Variants in FMNL2 observed in about 807,000 individuals in gnomAD.
The protein encoded by FMNL2 is formin-like protein 2.
FMNL2 carries 51 observed loss-of-function variants against 130.2 expected under a neutral mutation model. The observed-to-expected ratio is 0.39, with a 90% CI of 0.31 to 0.49. The LOEUF is 0.49. Among genes scored for constraint, FMNL2 ranks in the 20% least tolerant of loss-of-function variants. The pLI is 0.85. For synonymous variants in FMNL2, 465 were observed against 467.1 expected (o/e 1.00, Z 0.06); for missense variants, 977 against 1,316.2 (o/e 0.74, Z 3.99).
chr2:152,562,365 CATT>C (rs926716971), intron 6 of FMNL2, among the ~76,000 whole-genome samples: 6 of 152,210 alleles, frequency 3.9e-5, no homozygotes, highest in Admixed American at 3.3e-4. Flanking sequence ...GGTATTCAGT[CATT>C]GTTGTAGAAT....
intron 1 of FMNL2, among the ~76,000 whole-genome samples, chr2:152,513,335 C>G (rs761780094): frequency 6.6e-6 from 1 of 152,114 alleles, no homozygotes; most frequent in South Asian, 2.1e-4. Flanking sequence ...ACCCTCTTAG[C>G]GAATGTTAAC....
chr2:152,361,598 C>T (rs1683184088), intron 1 of FMNL2, among the ~76,000 whole-genome samples: 1 of 152,088 alleles, frequency 6.6e-6, no homozygotes, highest in African/African-American at 2.4e-5. Flanking sequence ...TAGCATCATT[C>T]TCATAAAATC....
chr2:152,451,262 C>T (rs78827918), intron 1 of FMNL2, among the ~76,000 whole-genome samples: 20,474 of 151,988 alleles, frequency 0.13, 1,561 homozygotes, highest in East Asian at 0.24. Context: ...GATTCTTCTG[C>T]CTCAGCCTCC....
At chr2:152,381,441 A>G (rs1432560663) in intron 1 of FMNL2, among the ~76,000 whole-genome samples, 1 of 152,186 alleles carries the variant, frequency 6.6e-6, no homozygotes, top group Non-Finnish European at 1.5e-5. Context: ...TTGGGGAGAC[A>G]ATGAGAGGAG....
At chr2:152,445,459 G>A (rs1688280769) in intron 1 of FMNL2, among the ~76,000 whole-genome samples, 1 of 152,216 alleles carries the variant, frequency 6.6e-6, no homozygotes. Context: ...GTAACCACTA[G>A]CTGCTGAGTT....
At chr2:152,442,855 T>G in intron 1 of FMNL2, among the ~76,000 whole-genome samples, 1 of 152,294 alleles carries the variant, frequency 6.6e-6, no homozygotes, top group Non-Finnish European at 1.5e-5. Context: ...AAAACACTAA[T>G]TACTGGGTTC....
chr2:152,452,694 G>A (rs991014509), intron 1 of FMNL2, among the ~76,000 whole-genome samples: 2 of 145,990 alleles, frequency 1.4e-5, no homozygotes, highest in African/African-American at 4.9e-5. Context: ...AGCAGTAACC[G>A]AGCAACTCCT....
intron 2 of FMNL2, among the ~76,000 whole-genome samples, chr2:152,533,095 A>G (rs1164820356): frequency 6.6e-6 from 1 of 152,132 alleles, no homozygotes; most frequent in African/African-American, 2.4e-5. Context: ...AATTGAATTT[A>G]TTTTTTAAGT....
chr2:152,642,033 T>C (rs905409771), intron 25 of FMNL2, among the ~76,000 whole-genome samples: 13 of 152,014 alleles, frequency 8.6e-5, no homozygotes, highest in African/African-American at 2.4e-4. Context: ...CTTTGCCTCC[T>C]GGGTTCACAC....
intron 6 of FMNL2, among the ~76,000 whole-genome samples, chr2:152,572,798 T>G (rs923726885): frequency 8.5e-5 from 13 of 152,108 alleles, no homozygotes; most frequent in African/African-American, 1.7e-4. Flanking sequence ...AAACCTGTTT[T>G]TTTTTTTTTT....
chr2:152,574,328 C>T (rs1450904937), intron 6 of FMNL2, among the ~76,000 whole-genome samples: 3 of 149,988 alleles, frequency 2.0e-5, no homozygotes, highest in African/African-American at 4.9e-5. Flanking sequence ...CCGAGCTACT[C>T]GGGAGGCTGA....
At chr2:152,581,733 G>A (rs1430175496) in intron 9 of FMNL2, among the ~76,000 whole-genome samples, 1 of 152,206 alleles carries the variant, frequency 6.6e-6, no homozygotes, top group African/African-American at 2.4e-5. Flanking sequence ...GTACCTGTTT[G>A]TTCCCCTGGT....
In FMNL2 at chr2:152,648,158, A is replaced by G. The variant is rs1019327452; in HGVS notation, c.*253A>G. The G allele has an allele frequency of 2.4e-6, 1 of 415,498 alleles. No homozygotes were observed. Among genetic ancestry groups the G allele is most frequent in the African/African-American group, 2.1e-5 (1 of 48,274 alleles). 25.7% of individuals were successfully genotyped at this position (415,498 alleles called of 1,614,324 possible). ...ATTTGATTAGGTATCTTTTTACACC[A>G]GTATGTTATTTTTAACCAAAATGTA... On this transcript the variant is annotated 3_prime_UTR_variant, in exon 26 of 26. Coordinates refer to ENST00000288670, the MANE Select transcript of FMNL2 (RefSeq NM_052905.4).
chr2:152,502,884 G>T (rs1405397500), intron 1 of FMNL2, among the ~76,000 whole-genome samples: 2 of 152,094 alleles, frequency 1.3e-5, no homozygotes. Flanking sequence ...AGGGGGTAAG[G>T]AGAGGGTATG....
chr2:152,533,257 T>A (rs185139405), intron 2 of FMNL2, among the ~76,000 whole-genome samples: 1 of 152,232 alleles, frequency 6.6e-6, no homozygotes, highest in Admixed American at 6.5e-5. Flanking sequence ...AAGGGTGGAG[T>A]TGTACTTTTT....
chr2:152,393,592 GAT>G (rs1685232895), intron 1 of FMNL2, among the ~76,000 whole-genome samples: 1 of 152,200 alleles, frequency 6.6e-6, no homozygotes, highest in African/African-American at 2.4e-5. Context: ...TTCCTAATCT[GAT>G]AGGCCAAAGA....
At chr2:152,588,984 A>G (rs781038408) in intron 9 of FMNL2, among the ~76,000 whole-genome samples, 3 of 151,748 alleles carry the variant, frequency 2.0e-5, no homozygotes, top group Admixed American at 6.6e-5. Flanking sequence ...AAATCTTACC[A>G]TTCATATTTC....
chr2:152,611,645 G>A, intron 11 of FMNL2, 40 bp downstream of exon 11: 1 of 1,314,472 alleles, frequency 7.6e-7, no homozygotes, highest in Non-Finnish European at 1.1e-6. Flanking sequence ...TATAAGAATT[G>A]ACTTATTATT....
intron 1 of FMNL2, among the ~76,000 whole-genome samples, chr2:152,476,460 CAA>C (rs1353862038): frequency 6.6e-6 from 1 of 152,082 alleles, no homozygotes; most frequent in Non-Finnish European, 1.5e-5. Context: ...CTCTTGAGCC[CAA>C]GAGTGTGAGA....
Sources: allele counts gnomAD v4.1 joint callset (sites outside exome capture counted in the v4.1 genomes callset), GRCh38; gene constraint gnomAD v4.1.1; transcripts MANE v1.5; gene names NCBI Gene and HGNC (gene_info 2026-07-23, HGNC 2026-07-21).